DSC1: variants seen among roughly 807,000 people sequenced by gnomAD.
DSC1 encodes desmocollin-1.
In DSC1, 79 loss-of-function variants were observed where a neutral mutation model predicts 98.8. The observed-to-expected ratio is 0.80, with a 90% CI of 0.67 to 0.96. DSC1 has a LOEUF of 0.96. Ranked by LOEUF, DSC1 falls within the 50% of genes least tolerant of loss-of-function variation. The probability of loss-of-function intolerance (pLI) is 0.00; values close to 1 mark genes in which losing one functional copy is unlikely to be tolerated. For synonymous variants in DSC1, 405 were observed against 372.1 expected (o/e 1.09, Z -1.02); for missense variants, 1,115 against 1,075.9 (o/e 1.04, Z -0.51).
chr18:31,140,895 G>A (rs1259444539), intron 9 of DSC1, among the ~76,000 whole-genome samples: 2 of 152,150 alleles, frequency 1.3e-5, no homozygotes, highest in Non-Finnish European at 2.9e-5. Context: ...GGGACCCAGG[G>A]CAAGGTAATT....
intron 15 of DSC1, 112 bp downstream of exon 15, chr18:31,131,482 G>T (rs16961331): frequency 0.049 from 66,280 of 1,339,906 alleles, 2,661 homozygotes; most frequent in African/African-American, 0.2. Context: ...TAATCCAACA[G>T]GTAAAAGATG....
In DSC1 at chr18:31,140,403, T is replaced by C. The variant is rs534243090; in HGVS notation, c.1261-102A>G. The stretch of plus-strand genomic sequence containing the variant: ...AGGAATATCATTTTTACATTTAAAA[T>C]GTAACCTAAAGTTAGGTCTAATACA... On this transcript the variant is annotated intron_variant, in intron 9 of 15. Coordinates refer to ENST00000257198, the MANE Select transcript of DSC1 (RefSeq NM_024421.2). 457 of 1,298,412 alleles carry C rather than the reference T, an allele frequency of 3.5e-4. 1 individual carries two copies. In the Middle Eastern group the frequency reaches 4.2e-3, roughly 12 times the overall value. The allele number at this position is 1,298,412 out of a possible 1,614,324, so 80.4% of individuals were successfully genotyped here. A position where few individuals can be genotyped will look rare whatever the true frequency, so the allele number is the denominator to read the frequency against.
chr18:31,147,429 T>G (rs1192177989), intron 6 of DSC1, among the ~76,000 whole-genome samples: 1 of 152,184 alleles, frequency 6.6e-6, no homozygotes, highest in Non-Finnish European at 1.5e-5. Flanking sequence ...AGTAACTTTA[T>G]GTATCAATTA....
intron 2 of DSC1, 79 bp from the exon 3 acceptor site, chr18:31,157,652 T>A: frequency 6.7e-7 from 1 of 1,496,460 alleles, no homozygotes; most frequent in South Asian, 1.1e-5. Context: ...CAGCCGTGAG[T>A]TAATGCATGA....
At chr18:31,147,203 T>C (rs935247520) in intron 6 of DSC1, among the ~76,000 whole-genome samples, 2 of 152,306 alleles carry the variant, frequency 1.3e-5, no homozygotes, top group South Asian at 2.1e-4. Context: ...GCAATGTATA[T>C]GTTTTATTTA....
intron 4 of DSC1, among the ~76,000 whole-genome samples, chr18:31,155,169 A>G (rs189208012): frequency 3.3e-5 from 5 of 152,346 alleles, no homozygotes; most frequent in African/African-American, 1.2e-4. Context: ...TTGTATATCT[A>G]TAAAACATGT....
chr18:31,141,607 G>A (rs2420207), intron 9 of DSC1, among the ~76,000 whole-genome samples: 27,697 of 152,098 alleles, frequency 0.18, 2,736 homozygotes, highest in African/African-American at 0.24. Flanking sequence ...AAAATAAAAT[G>A]TACTATGAAC....
chr18:31,157,847 CTTAA>C (rs1989131351), intron 2 of DSC1, among the ~76,000 whole-genome samples: 1 of 152,104 alleles, frequency 6.6e-6, no homozygotes, highest in African/African-American at 2.4e-5. Context: ...TCTTTGAACT[CTTAA>C]TTATTGTGTG....
chr18:31,157,248 G>T (rs1214874126), intron 3 of DSC1, 123 bp downstream of exon 3: 1 of 1,066,844 alleles, frequency 9.4e-7, no homozygotes, highest in Non-Finnish European at 1.3e-6. Flanking sequence ...ATTGTAAGTG[G>T]AAAAGACAAA....
intron 11 of DSC1, among the ~76,000 whole-genome samples, chr18:31,136,292 C>T (rs1988607329): frequency 6.6e-6 from 1 of 152,034 alleles, no homozygotes; most frequent in East Asian, 1.9e-4. Context: ...GCATACACTA[C>T]ACATGAGTTG....
At chr18:31,144,853 T>TG (rs1251617538) in intron 7 of DSC1, among the ~76,000 whole-genome samples, 1 of 151,550 alleles carries the variant, frequency 6.6e-6, no homozygotes, top group African/African-American at 2.4e-5. Context: ...TATAACACCG[T>TG]GGGGCAGGAT....
intron 1 of DSC1, among the ~76,000 whole-genome samples, chr18:31,159,813 T>A (rs959388225): frequency 6.6e-6 from 1 of 152,208 alleles, no homozygotes; most frequent in African/African-American, 2.4e-5. Context: ...CCATTGACTT[T>A]ATATAGAAGT....
chr18:31,150,505 CCAT>C (rs1988980041), intron 5 of DSC1, among the ~76,000 whole-genome samples: 1 of 81,970 alleles, frequency 1.2e-5, no homozygotes, highest in Non-Finnish European at 2.6e-5. Flanking sequence ...CACCACACTA[CCAT>C]CATCACCATT....
chr18:31,140,323 A>G lies in DSC1; in HGVS notation c.1261-22T>C, dbSNP rs372155681. On this transcript the variant is annotated intron_variant, in intron 9 of 15. Transcript: ENST00000257198. ...ATGGCTGTTAAATAAGCATACTTTA[A>G]TAAGTCAATATATAACATTATATAT... 5.6e-6 allele frequency: 9 copies of G among 1,606,732 alleles called. No homozygotes were observed. In the African/African-American group the frequency reaches 8.0e-5, roughly 14 times the overall value.
chr18:31,151,725 T>C (rs981166111), intron 5 of DSC1, among the ~76,000 whole-genome samples: 1 of 152,166 alleles, frequency 6.6e-6, no homozygotes, highest in African/African-American at 2.4e-5. Context: ...GGACTTGAGT[T>C]TGGCCTTACA....
chr18:31,147,935 T>A lies in DSC1; in HGVS notation c.772+563A>T, dbSNP rs74504619. Among the ~76,000 whole-genome samples the A allele has an allele frequency of 6.3e-3, 954 of 152,112 alleles. 10 individuals are homozygous for A. The highest frequency in any genetic ancestry group is 0.022 in the African/African-American group (893 of 41,488). On this transcript the variant is annotated intron_variant, in intron 6 of 15. Transcript: ENST00000257198. ...TTTCCTACATTTAGGCTTCTATATA[T>A]CCTTAAATGACACTTTTTAAAAAAC...
At chr18:31,160,021 A>G (rs112647424) in intron 1 of DSC1, among the ~76,000 whole-genome samples, 1 of 152,322 alleles carries the variant, frequency 6.6e-6, no homozygotes, top group East Asian at 1.9e-4. Flanking sequence ...CCAAAAAATC[A>G]TTGTTCTCAA....
At chr18:31,139,467 A>T (rs934799182) in intron 11 of DSC1, among the ~76,000 whole-genome samples, 1 of 152,132 alleles carries the variant, frequency 6.6e-6, no homozygotes, top group African/African-American at 2.4e-5. Flanking sequence ...AATAATATAT[A>T]GATCATCTTT....
intron 11 of DSC1, among the ~76,000 whole-genome samples, chr18:31,138,527 G>A (rs1988659390): frequency 6.6e-6 from 1 of 151,708 alleles, no homozygotes; most frequent in African/African-American, 2.4e-5. Context: ...ACCAGTTGGG[G>A]AATAAATGAG....
Sources: allele counts gnomAD v4.1 joint callset (sites outside exome capture counted in the v4.1 genomes callset), GRCh38; gene constraint gnomAD v4.1.1; transcripts MANE v1.5; gene names NCBI Gene and HGNC (gene_info 2026-07-23, HGNC 2026-07-21).